Variants in DTD1 observed in about 807,000 individuals in gnomAD.
DTD1 encodes D-aminoacyl-tRNA deacylase 1.
Under a neutral mutation model 25.6 loss-of-function variants are expected in DTD1, and 13 were observed. The ratio of observed to expected loss-of-function variants is 0.51; its 90% CI spans 0.33 to 0.81. The LOEUF (loss-of-function observed/expected upper bound fraction) is 0.81, where lower values mean the gene tolerates loss of function less well. DTD1 is among the 30% of genes least tolerant of loss of function. The pLI, the probability that DTD1 is intolerant of heterozygous loss-of-function variation, is 0.02. For missense variants in DTD1, 193 were observed against 266.4 expected (o/e 0.72, Z 1.92); for synonymous variants, 110 against 103.6 (o/e 1.06, Z -0.37).
intron 3 of DTD1, among the ~76,000 whole-genome samples, chr20:18,625,813 C>T (rs528377810): frequency 6.6e-6 from 1 of 152,312 alleles, no homozygotes; most frequent in East Asian, 1.9e-4. Flanking sequence ...GTGAGAATGC[C>T]TCCTTGGTGG....
intron 4 of DTD1, among the ~76,000 whole-genome samples, chr20:18,711,997 A>C (rs562398107): frequency 6.6e-6 from 1 of 151,088 alleles, no homozygotes; most frequent in Admixed American, 6.6e-5. Context: ...TGAACCTGGG[A>C]GGTGGAAGTG....
In DTD1 at chr20:18,637,583, T is replaced by C. The variant is rs16979429; in HGVS notation, c.477+9350T>C. On this transcript the variant is annotated intron_variant, in intron 4 of 5. Coordinates refer to ENST00000377452, the MANE Select transcript of DTD1 (RefSeq NM_080820.6). ...TTCTTGGCTTTCTGAGTACCAGACA[T>C]GGAATGCCTTACTCATCTGTCGAAG... Among the ~76,000 whole-genome samples, 370 of 152,346 alleles carry C rather than the reference T, an allele frequency of 2.4e-3. 7 individuals carry two copies. The highest frequency in any genetic ancestry group is 0.02 in the Admixed American group (302 of 15,306).
rs185181309 is a variant in DTD1 at position 18,618,375 on chromosome 20, G to C, written c.371-9752G>C. 6.0e-3 allele frequency among the ~76,000 whole-genome samples: 902 copies of C among 150,818 alleles called. 4 individuals carry two copies. Among genetic ancestry groups the C allele is most frequent in the African/African-American group, 0.02 (842 of 41,106 alleles). Reference sequence around the variant, plus strand: ...GTTTTTTTGTTTTTTTTTGAGACAGGGTCTGGCTCTTTGTCACCCAGGCTG... The same window carrying C: ...GTTTTTTTGTTTTTTTTTGAGACAGCGTCTGGCTCTTTGTCACCCAGGCTG... On this transcript the variant is annotated intron_variant, in intron 3 of 5. Transcript: ENST00000377452.
At chr20:18,742,782 T>C (rs1247489701) in intron 4 of DTD1, among the ~76,000 whole-genome samples, 1 of 152,184 alleles carries the variant, frequency 6.6e-6, no homozygotes, top group Non-Finnish European at 1.5e-5. Flanking sequence ...GTTGTTCATC[T>C]CTCGAAGGGT....
intron 4 of DTD1, among the ~76,000 whole-genome samples, chr20:18,709,811 AC>A (rs1157319765): frequency 1.3e-5 from 2 of 152,084 alleles, no homozygotes; most frequent in Non-Finnish European, 2.9e-5. Flanking sequence ...ATTCCAACTT[AC>A]CTTCATGCCC....
intron 4 of DTD1, among the ~76,000 whole-genome samples, chr20:18,702,400 C>G (rs2061109008): frequency 6.6e-6 from 1 of 152,156 alleles, no homozygotes; most frequent in South Asian, 2.1e-4. Context: ...TCTCATTTCC[C>G]AGACTGGGCA....
chr20:18,751,742 C>G (rs1445647642), intron 5 of DTD1, among the ~76,000 whole-genome samples: 2 of 152,124 alleles, frequency 1.3e-5, no homozygotes, highest in African/African-American at 4.8e-5. Context: ...GATCCACACA[C>G]CTCAGCCTCC....
intron 1 of DTD1, among the ~76,000 whole-genome samples, chr20:18,592,974 G>A (rs1256595283): frequency 6.6e-6 from 1 of 152,168 alleles, no homozygotes; most frequent in Non-Finnish European, 1.5e-5. Flanking sequence ...AAACCACCAT[G>A]CCCGGCCCAT....
intron 4 of DTD1, among the ~76,000 whole-genome samples, chr20:18,678,153 G>C (rs988832470): frequency 4.6e-5 from 7 of 152,250 alleles, no homozygotes; most frequent in African/African-American, 1.7e-4. Context: ...GCAAATAAGA[G>C]AAATTAGTGA....
intron 4 of DTD1, among the ~76,000 whole-genome samples, chr20:18,640,609 T>C (rs2060824587): frequency 6.6e-6 from 1 of 151,580 alleles, no homozygotes; most frequent in Admixed American, 6.6e-5. Context: ...CAACTTTTAT[T>C]ATCACCATCT....
intron 4 of DTD1, among the ~76,000 whole-genome samples, chr20:18,721,777 T>C (rs2061204357): frequency 6.6e-6 from 1 of 152,060 alleles, no homozygotes; most frequent in African/African-American, 2.4e-5. Context: ...TTCTACAGAC[T>C]GTGAAGGTGT....
At chr20:18,664,118 G>A (rs911098657) in intron 4 of DTD1, among the ~76,000 whole-genome samples, 4 of 152,342 alleles carry the variant, frequency 2.6e-5, no homozygotes, top group Non-Finnish European at 5.9e-5. Context: ...ATGTTCACAA[G>A]ACGATGAAAT....
intron 4 of DTD1, among the ~76,000 whole-genome samples, chr20:18,669,482 C>T (rs1172796217): frequency 3.3e-5 from 5 of 152,116 alleles, no homozygotes; most frequent in African/African-American, 9.7e-5. Flanking sequence ...AGGATTCTGT[C>T]ATCGGATCAG....
At chr20:18,649,018 A>AAAAAAAC in intron 4 of DTD1, among the ~76,000 whole-genome samples, 1 of 150,282 alleles carries the variant, frequency 6.7e-6, no homozygotes, top group African/African-American at 2.4e-5. Flanking sequence ...AAAAAAAAAA[A>AAAAAAAC]AGCAAATTTA....
chr20:18,698,042 A>G (rs1463383034), intron 4 of DTD1, among the ~76,000 whole-genome samples: 1 of 152,252 alleles, frequency 6.6e-6, no homozygotes, highest in Non-Finnish European at 1.5e-5. Flanking sequence ...TTCTGATAAT[A>G]CTTTTCTTTG....
intron 4 of DTD1, among the ~76,000 whole-genome samples, chr20:18,704,935 G>C (rs1335561443): frequency 6.6e-6 from 1 of 152,206 alleles, no homozygotes; most frequent in Non-Finnish European, 1.5e-5. Context: ...CACTAAATAA[G>C]CTTCCATCTC....
intron 5 of DTD1, 72 bp downstream of exon 5, chr20:18,744,343 G>C: frequency 6.8e-7 from 1 of 1,475,394 alleles, no homozygotes; most frequent in South Asian, 1.3e-5. Context: ...GGGAATAGCT[G>C]CTGAGGCTGA....
chr20:18,692,890 A>ATTTTTTTTTTTTTTTTTTT (rs34962546), intron 4 of DTD1, among the ~76,000 whole-genome samples: 1 of 112,468 alleles, frequency 8.9e-6, no homozygotes, highest in Non-Finnish European at 1.7e-5. Flanking sequence ...CAGGACATGG[A>ATTTTTTTTTTTTTTTTTTT]TTTTTTTTTT....
chr20:18,735,734 A>G (rs1179362488), intron 4 of DTD1, among the ~76,000 whole-genome samples: 2 of 152,172 alleles, frequency 1.3e-5, no homozygotes, highest in African/African-American at 4.8e-5. Context: ...AGTTGAGTTG[A>G]GTTTTGTGGG....
Sources: allele counts gnomAD v4.1 joint callset (sites outside exome capture counted in the v4.1 genomes callset), GRCh38; gene constraint gnomAD v4.1.1; transcripts MANE v1.5; gene names NCBI Gene and HGNC (gene_info 2026-07-23, HGNC 2026-07-21).